The following ARR3 variants were observed in gnomAD, a reference collection of about 807,000 sequenced individuals.
ARR3 encodes the protein arrestin-C.
ARR3 carries 14 observed loss-of-function variants against 35.4 expected under a neutral mutation model. The ratio of observed to expected loss-of-function variants is 0.40; its 90% CI spans 0.26 to 0.62. The LOEUF (loss-of-function observed/expected upper bound fraction) is 0.62. ARR3 is among the 20% of genes least tolerant of loss of function. The pLI, the probability that ARR3 is intolerant of heterozygous loss-of-function variation, is 0.46. For missense variants in ARR3, 259 were observed against 303.8 expected (o/e 0.85, Z 1.10); for synonymous variants, 97 against 119.1 (o/e 0.81, Z 1.21).
Position 70,277,790 on chromosome X carries a change from C to A in ARR3, c.684C>A (p.Ile228=), listed in dbSNP as rs771558496. The change falls in exon 10 of 17, where the codon ATC becomes ATA. Residue 228 remains isoleucine, a synonymous_variant. Transcript: ENST00000307959. ...NNCTNKVIKK[I]KISVDQITDV... ...GCACCAACAAGGTCATCAAAAAAAT[C>A]AAGATTTCAGGTGAGTTTCTTTTCC... The A allele has an allele frequency of 1.2e-5, 14 of 1,205,686 alleles. No homozygotes were observed. The highest frequency in any genetic ancestry group is 1.6e-5 in the Non-Finnish European group (14 of 892,184).
chrX:70,276,306 G>A (rs1466567131), intron 6 of ARR3, 25 bp downstream of exon 6: 3 of 1,203,371 alleles, frequency 2.5e-6, no homozygotes, highest in African/African-American at 3.5e-5. Context: ...CCCTGGGCAG[G>A]CAAGGTCTCC....
intron 5 of ARR3, among the ~76,000 whole-genome samples, chrX:70,273,039 A>G (rs2085636070): frequency 9.1e-6 from 1 of 109,930 alleles, no homozygotes; most frequent in African/African-American, 3.3e-5. Flanking sequence ...TCCATTCTAT[A>G]TTCCATTAGC....
chrX:70,272,187 C>T (rs1462592246), intron 5 of ARR3, among the ~76,000 whole-genome samples: 1 of 110,647 alleles, frequency 9.0e-6, no homozygotes. Context: ...TTTTTACTTT[C>T]TGTCTTTTTC....
At position 70,269,833 on chromosome X, in the gene ARR3, TC is replaced by T; in HGVS notation, c.40-8del. ...TTGTGAGAATAACATGGGAAGTTGTTCCACAACAGCTCTCCATCTACCTGGG... is the reference window on the plus strand; with the variant it reads ...TTGTGAGAATAACATGGGAAGTTGTTCACAACAGCTCTCCATCTACCTGGG... On this transcript the variant is annotated splice_polypyrimidine_tract_variant and intron_variant, in intron 3 of 16. Transcript: ENST00000307959. 8.3e-7 allele frequency: 1 copy of T among 1,206,802 alleles called. No homozygotes were observed.
rs192119763 is a variant in ARR3, at chrX:70,272,776, C to T, written c.145+2632C>T. Among the ~76,000 whole-genome samples the T allele has an allele frequency of 6.2e-3, 698 of 112,581 alleles. 7 individuals carry two copies. The highest frequency in any genetic ancestry group is 0.021 in the African/African-American group (654 of 31,020). On this transcript the variant is annotated intron_variant, in intron 5 of 16. Coordinates refer to ENST00000307959, the MANE Select transcript of ARR3 (RefSeq NM_004312.3). ...CACTGATATTATCAATACTTTCAGG[C>T]TTTGCTATATCTTTTGAATATAGGT...
chrX:70,280,384 C>G, intron 13 of ARR3, 106 bp downstream of exon 13: 1 of 989,398 alleles, frequency 1.0e-6, no homozygotes, highest in Non-Finnish European at 1.4e-6. Context: ...ATTCCCCACC[C>G]TTTCTCCCAG....
At chrX:70,269,291 T>TACCACTCTCA in intron 1 of ARR3, 65 bp from the exon 2 acceptor site, 1 of 1,122,759 alleles carries the variant, frequency 8.9e-7, no homozygotes, top group Non-Finnish European at 1.2e-6. Flanking sequence ...ATGGATGGTA[T>TACCACTCTCA]GCTGGAGTGG....
chrX:70,269,845 C>T lies in ARR3; in HGVS notation c.42C>T (p.Leu14=). 5 of 1,208,225 alleles carry T rather than the reference C, an allele frequency of 4.1e-6. No homozygotes were observed. The highest frequency in any genetic ancestry group is 1.8e-5 in the South Asian group (1 of 56,196). Residue 14 remains leucine (L), a splice_region_variant and synonymous_variant, in exon 4 of 17, where the codon CTC becomes CTT. Coordinates refer to ENST00000307959, the MANE Select transcript of ARR3 (RefSeq NM_004312.3). ...VFKKTSSNGK[L]SIYLGKRDFV... is the part of the protein sequence containing the mutation. ...CATGGGAAGTTGTTCCACAACAGCT[C>T]TCCATCTACCTGGGGAAACGGGACT...
chrX:70,280,545 C>G lies in ARR3; in HGVS notation c.990-14C>G. The G allele has an allele frequency of 8.4e-7, 1 of 1,191,901 alleles. No individual in the cohort carries two copies. Among genetic ancestry groups the G allele is most frequent in the Non-Finnish European group, 1.1e-6 (1 of 886,498 alleles). ...ATTTCCCGCTGCTAATTTTGGGTGT[C>G]ATTCTACCCACAGCATCCTAGGAGA... On this transcript the variant is annotated splice_polypyrimidine_tract_variant and intron_variant, in intron 13 of 16. Coordinates refer to ENST00000307959, the MANE Select transcript of ARR3 (RefSeq NM_004312.3).
chrX:70,273,214 C>CTTTT (rs59650423), intron 5 of ARR3, among the ~76,000 whole-genome samples: 42 of 41,591 alleles, frequency 1.0e-3, no homozygotes, highest in Non-Finnish European at 1.1e-3. Flanking sequence ...GAAAGGATTC[C>CTTTT]TTTTTTTTTT....
At position 70,276,639 on chromosome X, in the gene ARR3, T is replaced by G. The variant is rs545818819; in HGVS notation, c.406-30T>G. 3.5e-5 allele frequency: 42 copies of G among 1,203,634 alleles called. 1 individual carries two copies. In the South Asian group the frequency reaches 5.5e-4, roughly 16 times the overall value. ...GAGGAAGGGAGGACAGCACTGGAAA[T>G]GAGCTCTCTTTGCCCTTGTCCCTTT... On this transcript the variant is annotated intron_variant, in intron 7 of 16. Coordinates refer to ENST00000307959, the MANE Select transcript of ARR3 (RefSeq NM_004312.3).
intron 14 of ARR3, 57 bp downstream of exon 14, chrX:70,280,639 GA>G: frequency 8.4e-7 from 1 of 1,193,651 alleles, no homozygotes; most frequent in Non-Finnish European, 1.1e-6. Flanking sequence ...AGGGGATAAG[GA>G]GAGCAAAATA....
intron 5 of ARR3, among the ~76,000 whole-genome samples, chrX:70,271,937 A>G (rs1013580590): frequency 3.6e-5 from 4 of 111,180 alleles, no homozygotes; most frequent in African/African-American, 1.3e-4. Context: ...CTAGAGAGCC[A>G]ATTAGAGCTT....
Position 70,280,267 on chromosome X carries a change from G to A in ARR3, c.978G>A (p.Val326=). Residue 326 remains valine, a synonymous_variant, in exon 13 of 17, where the codon GTG becomes GTA. Transcript: ENST00000307959. ...ACAAAGTCAGAGTCAACCTGATGGT[G>A]TCCTGTGGTGGGTAAGTGAGGGTTC... The part of the protein sequence containing the change: ...VSYKVRVNLM[V]SCGGILGDLT... 2 of 1,210,263 alleles carry A rather than the reference G, an allele frequency of 1.7e-6. No homozygotes were observed. The highest frequency in any genetic ancestry group is 2.3e-4 in the Middle Eastern group (1 of 4,350).
chrX:70,275,143 G>A (rs1053747478), intron 5 of ARR3, among the ~76,000 whole-genome samples: 7 of 112,136 alleles, frequency 6.2e-5, no homozygotes, highest in Admixed American at 3.8e-4. Context: ...CATACTCTAC[G>A]AGCAGATTTA....
At chrX:70,275,468 T>A (rs2085648001) in intron 5 of ARR3, among the ~76,000 whole-genome samples, 1 of 110,760 alleles carries the variant, frequency 9.0e-6, no homozygotes, top group African/African-American at 3.3e-5. Flanking sequence ...TGTGTGGGAG[T>A]CCTTATATAT....
Position 70,277,542 on chromosome X carries a change from C to G in ARR3, c.609+13C>G. ...GATGGACAGGGAGGTTTGTGACCCC[C>G]ACTTTTTGCCTCCCACCCCAGAACC... On this transcript the variant is annotated intron_variant, in intron 9 of 16. Transcript: ENST00000307959. 2 of 1,205,908 alleles carry G rather than the reference C, an allele frequency of 1.7e-6. No homozygotes were observed. The highest frequency in any genetic ancestry group is 2.2e-6 in the Non-Finnish European group (2 of 892,984).
At chrX:70,276,320 G>C (rs753381252) in intron 6 of ARR3, 39 bp downstream of exon 6, 1 of 1,198,409 alleles carries the variant, frequency 8.3e-7, no homozygotes, top group Non-Finnish European at 1.1e-6. Context: ...GGTCTCCAGG[G>C]AAGATTAAGA....
At chrX:70,274,616 A>G (rs926946244) in intron 5 of ARR3, among the ~76,000 whole-genome samples, 5 of 112,524 alleles carry the variant, frequency 4.4e-5, no homozygotes, top group African/African-American at 1.6e-4. Context: ...TTATTTTCTC[A>G]CAATTCTGAA....
Sources: gnomAD v4.1 joint callset for allele counts (sites outside exome capture counted in the v4.1 genomes callset) on GRCh38, gnomAD v4.1.1 for gene constraint, MANE v1.5 for transcripts, NCBI Gene and HGNC (gene_info 2026-07-23, HGNC 2026-07-21) for gene names.